Variants in TDRD12 observed in about 807,000 individuals in gnomAD.
The protein encoded by TDRD12 is putative ATP-dependent RNA helicase TDRD12.
TDRD12 carries 158 observed loss-of-function variants against 133.5 expected under a neutral mutation model. That is an observed-to-expected ratio of 1.18 (90% CI 1.04 to 1.35). TDRD12 has a LOEUF of 1.35. TDRD12 is among the 40% of genes most tolerant of loss of function. The pLI, the probability that TDRD12 is intolerant of heterozygous loss-of-function variation, is 0.00. For synonymous variants in TDRD12, 460 were observed against 477.9 expected, an observed-to-expected ratio of 0.96 and a Z score of 0.49; for missense variants, 1,443 against 1,321.3, an observed-to-expected ratio of 1.09 and a Z score of -1.43.
downstream of TDRD12, among the ~76,000 whole-genome samples, chr19:32,821,828 A>G (rs989050733): frequency 1.3e-5 from 2 of 152,230 alleles, no homozygotes; most frequent in Admixed American, 1.3e-4. Context: ...GCTCACTTTT[A>G]TTGCACAGCG....
exon 14 of TDRD12, chr19:32,794,701 G>A (rs1365452655): frequency 2.8e-6 from 2 of 703,186 alleles, no homozygotes; most frequent in Admixed American, 2.0e-5. Context: ...GCGCGTGGCT[G>A]TGATGTGGTT....
chr19:32,815,605 G>A (rs1967151776), exon 26 of TDRD12: 1 of 1,534,384 alleles, frequency 6.5e-7, no homozygotes, highest in East Asian at 2.4e-5. Flanking sequence ...TGTGAAGAAA[G>A]CCTAAGCCAG....
At chr19:32,745,332 A>G (rs1417646895) in intron 4 of TDRD12, among the ~76,000 whole-genome samples, 1 of 152,194 alleles carries the variant, frequency 6.6e-6, no homozygotes, top group Admixed American at 6.5e-5. Flanking sequence ...GGAAGGGCCT[A>G]CTGGGGTTTG....
intron 16 of TDRD12, among the ~76,000 whole-genome samples, chr19:32,799,608 CTTGT>C (rs1300466177): frequency 2.0e-5 from 3 of 151,032 alleles, no homozygotes; most frequent in African/African-American, 4.9e-5. Flanking sequence ...ACATTAATCT[CTTGT>C]TTGTTTGTTA....
chr19:32,805,653 C>T (rs1971525604), intron 21 of TDRD12, among the ~76,000 whole-genome samples: 2 of 151,930 alleles, frequency 1.3e-5, no homozygotes, highest in African/African-American at 4.8e-5. Context: ...TATGAGTCCT[C>T]CAGCTTTGGT....
chr19:32,756,074 A>T (rs1375537363), exon 7 of TDRD12: 2 of 1,484,208 alleles, frequency 1.3e-6, no homozygotes, highest in East Asian at 5.5e-5. Context: ...GATTATTTAG[A>T]AAAACCAAGA....
At chr19:32,805,198 TACAC>T (rs762012247) in intron 21 of TDRD12, among the ~76,000 whole-genome samples, 7 of 80,474 alleles carry the variant, frequency 8.7e-5, no homozygotes, top group Non-Finnish European at 1.9e-4. Context: ...AATATATATA[TACAC>T]ACACACACAC....
In TDRD12 at chr19:32,827,372, C is replaced by CTTTTCTTTTCTT. The variant is rs61327156; in HGVS notation, c.*210_*211insCTTTTCTTTTTT. The CTTTTCTTTTCTT allele has an allele frequency of 4.3e-3, 525 of 122,364 alleles. 43 individuals are homozygous for CTTTTCTTTTCTT. Among genetic ancestry groups the CTTTTCTTTTCTT allele is most frequent in the African/African-American group, 0.028 (400 of 14,432 alleles). The allele number at this position is 122,364 out of a possible 1,614,324, so 7.6% of individuals were successfully genotyped here. A position where few individuals can be genotyped will look rare whatever the true frequency, so the allele number is the denominator to read the frequency against. ...TAACCAAATCTTTTTCTTTTCTTTT[C>CTTTTCTTTTCTT]TTTTTTTTTTTTTTTTTTTTTTTTT... On this transcript the variant is annotated 3_prime_UTR_variant, in exon 10 of 10. Transcript: ENST00000637289.
chr19:32,821,369 A>AGAGTGT (rs545141590), downstream of TDRD12: 5 of 351,484 alleles, frequency 1.4e-5, no homozygotes, highest in East Asian at 8.1e-5. Context: ...AGCTCAGCAG[A>AGAGTGT]GTGTGTGTGT....
intron 1 of TDRD12, among the ~76,000 whole-genome samples, chr19:32,727,567 CTGTG>C (rs1209414830): frequency 6.6e-6 from 1 of 152,114 alleles, no homozygotes; most frequent in Non-Finnish European, 1.5e-5. Flanking sequence ...AGCATTTGCT[CTGTG>C]TTTTCTTTTG....
In TDRD12 at chr19:32,811,346, C is replaced by T. The variant is rs149805514; in HGVS notation, c.2974C>T (p.Leu992Phe). ...GCATCTCCCAGAACATTTCCACACA[C>T]TTCCCCCGCAGGCTGTGGAGTTTAT... Residue 992 changes from leucine to phenylalanine, a missense_variant, in exon 24 of 28, where the codon CTT (leucine) becomes TTT (phenylalanine). Physicochemically the swap from Leu to Phe is conservative, Grantham distance 22. Transcript: ENST00000444215. The T allele has an allele frequency of 8.2e-4, 1,256 of 1,536,162 alleles. 8 individuals carry two copies. In the African/African-American group the frequency reaches 0.015, roughly 18 times the overall value.
exon 24 of TDRD12, chr19:32,811,400 G>A (rs1396162558): frequency 1.2e-5 from 19 of 1,536,002 alleles, no homozygotes; most frequent in Middle Eastern, 3.3e-4. Flanking sequence ...TGCTGACAAC[G>A]AAATAGAATG....
At chr19:32,806,337 G>GTTTTT (rs58555952) in intron 21 of TDRD12, among the ~76,000 whole-genome samples, 20 of 135,264 alleles carry the variant, frequency 1.5e-4, no homozygotes, top group Non-Finnish European at 1.6e-4. Flanking sequence ...AGAAGACCGA[G>GTTTTT]TTTTTTTTTT....
chr19:32,813,052 T>C (rs1967059998), intron 24 of TDRD12, among the ~76,000 whole-genome samples: 1 of 152,018 alleles, frequency 6.6e-6, no homozygotes, highest in Admixed American at 6.6e-5. Flanking sequence ...GGTGCATGCC[T>C]GTGGTCTCAG....
chr19:32,775,156 C>T (rs1970545361), intron 10 of TDRD12, among the ~76,000 whole-genome samples: 1 of 152,008 alleles, frequency 6.6e-6, no homozygotes, highest in South Asian at 2.1e-4. Context: ...TCTGATGAAA[C>T]AAATGTCAGA....
chr19:32,775,381 AGT>A (rs1970552451), intron 10 of TDRD12, among the ~76,000 whole-genome samples: 1 of 152,190 alleles, frequency 6.6e-6, no homozygotes, highest in South Asian at 2.1e-4. Flanking sequence ...CAGGCTCTCA[AGT>A]GCAGTGGAGC....
intron 22 of TDRD12, among the ~76,000 whole-genome samples, chr19:32,809,789 C>G (rs1966938028): frequency 6.6e-6 from 1 of 152,268 alleles, no homozygotes; most frequent in East Asian, 1.9e-4. Flanking sequence ...AGAAGAATTT[C>G]TATAAAAGTG....
Position 32,790,620 on chromosome 19 carries a change from A to T in TDRD12, c.1182+29A>T, listed in dbSNP as rs951000068. ...TTACAGGCCCTAAAAAAAGTAAAAT[A>T]AAAAGAGAGAAAAAACTGTTTATTC... is the stretch of plus-strand genomic sequence containing the variant. On this transcript the variant is annotated intron_variant, in intron 12 of 27. Coordinates refer to ENST00000444215, the Ensembl canonical transcript of TDRD12. The T allele has an allele frequency of 9.0e-6, 14 of 1,551,424 alleles. No homozygotes were observed. In the Admixed American group the frequency reaches 2.7e-4, roughly 30 times the overall value.
chr19:32,822,882 A>G (rs1157906550), downstream of TDRD12, among the ~76,000 whole-genome samples: 4 of 152,216 alleles, frequency 2.6e-5, no homozygotes, highest in African/African-American at 9.6e-5. Flanking sequence ...TAATTTTGAT[A>G]TTCACTGTCT....
Sources: allele counts gnomAD v4.1 joint callset (sites outside exome capture counted in the v4.1 genomes callset), GRCh38; gene constraint gnomAD v4.1.1; transcripts MANE v1.5; gene names NCBI Gene and HGNC (gene_info 2026-07-23, HGNC 2026-07-21).